Variants in ZBTB16 observed in about 807,000 individuals in gnomAD.
ZBTB16 encodes the protein zinc finger and BTB domain containing 16, also known as zinc finger and BTB domain-containing protein 16.
A neutral mutation model predicts 56.8 loss-of-function variants in ZBTB16; 8 were observed. That is an observed-to-expected ratio of 0.14 (90% CI 0.08 to 0.25). The LOEUF (loss-of-function observed/expected upper bound fraction) is 0.25, where lower values mean the gene tolerates loss of function less well. ZBTB16 is among the 10% of genes least tolerant of loss of function. ZBTB16 has a pLI of 1.00. For synonymous variants in ZBTB16, 363 were observed against 368.5 expected, an observed-to-expected ratio of 0.98 and a Z score of 0.17; for missense variants, 625 against 903.0, an observed-to-expected ratio of 0.69 and a Z score of 3.95.
chr11:114,148,378 T>TTCCTTCCTTCCTTCCTTCC (rs1565651573), intron 2 of ZBTB16, among the ~76,000 whole-genome samples: 10 of 141,084 alleles, frequency 7.1e-5, no homozygotes, highest in African/African-American at 2.7e-4. Context: ...CCTTCCTTCC[T>TTCCTTCCTTCCTTCCTTCC]TCCTTCCTTC....
intron 5 of ZBTB16, among the ~76,000 whole-genome samples, chr11:114,245,069 G>T (rs1944787526): frequency 6.6e-6 from 1 of 152,234 alleles, no homozygotes; most frequent in Admixed American, 6.5e-5. Flanking sequence ...CAGACACACG[G>T]AGAGAGTGGG....
chr11:114,209,571 T>C, intron 4 of ZBTB16: 1 of 985,374 alleles, frequency 1.0e-6, no homozygotes, highest in Non-Finnish European at 1.2e-6. Flanking sequence ...TTGTTGACAC[T>C]TGGACAATCA....
At chr11:114,099,016 A>C (rs979516068) in intron 2 of ZBTB16, among the ~76,000 whole-genome samples, 1 of 152,192 alleles carries the variant, frequency 6.6e-6, no homozygotes, top group Non-Finnish European at 1.5e-5. Flanking sequence ...AGTAAATTAC[A>C]TATTAAAGTA....
intron 2 of ZBTB16, among the ~76,000 whole-genome samples, chr11:114,141,961 A>G (rs1941959163): frequency 6.6e-6 from 1 of 152,174 alleles, no homozygotes; most frequent in African/African-American, 2.4e-5. Context: ...ATATCATCTA[A>G]ACGTTGTTGG....
intron 2 of ZBTB16, among the ~76,000 whole-genome samples, chr11:114,073,458 G>A (rs542350713): frequency 6.6e-6 from 1 of 152,286 alleles, no homozygotes; most frequent in Admixed American, 6.5e-5. Flanking sequence ...TCCTTATTAT[G>A]CTGGTGCAGT....
At chr11:114,247,633 A>G (rs1278454067) in intron 6 of ZBTB16, among the ~76,000 whole-genome samples, 2 of 152,216 alleles carry the variant, frequency 1.3e-5, no homozygotes, top group Non-Finnish European at 2.9e-5. Context: ...CCAGGCAGCT[A>G]TACCAGTAGT....
chr11:114,242,340 A>G lies in ZBTB16; in HGVS notation c.1624+3A>G, dbSNP rs551726862. ...ACGCCACCTGCGCTCACATACAGGT[A>G]GGTCAGTCCAGCTGATGGGTGGATC... On this transcript the variant is annotated splice_donor_region_variant and intron_variant, in intron 5 of 6. Coordinates refer to ENST00000335953, the MANE Select transcript of ZBTB16 (RefSeq NM_006006.6). 6.2e-7 allele frequency: 1 copy of G among 1,613,090 alleles called. No individual in the cohort carries two copies. The highest frequency in any genetic ancestry group is 2.2e-5 in the East Asian group (1 of 44,876).
At chr11:114,152,023 G>A (rs1028134395) in intron 2 of ZBTB16, among the ~76,000 whole-genome samples, 2 of 152,218 alleles carry the variant, frequency 1.3e-5, no homozygotes, top group African/African-American at 4.8e-5. Context: ...CTTCTATGCA[G>A]TAGCCATTAG....
intron 2 of ZBTB16, among the ~76,000 whole-genome samples, chr11:114,111,517 A>T (rs1941004888): frequency 6.6e-6 from 1 of 152,128 alleles, no homozygotes; most frequent in South Asian, 2.1e-4. Context: ...CCTCTCATGA[A>T]ATGACGCTAA....
chr11:114,128,435 T>C (rs1276411321), intron 2 of ZBTB16, among the ~76,000 whole-genome samples: 1 of 152,226 alleles, frequency 6.6e-6, no homozygotes, highest in African/African-American at 2.4e-5. Flanking sequence ...AGTCTGGGGT[T>C]TGAATCCGAG....
Position 114,064,666 on chromosome 11 carries a change from C to T in ZBTB16, c.1268+98C>T. 3 of 1,467,880 alleles carry T rather than the reference C, an allele frequency of 2.0e-6. No individual in the cohort carries two copies. Among genetic ancestry groups the T allele is most frequent in the Non-Finnish European group, 2.8e-6 (3 of 1,077,468 alleles). The allele number at this position is 1,467,880 out of a possible 1,614,324, so 90.9% of individuals were successfully genotyped here. A position where few individuals can be genotyped will look rare whatever the true frequency, so the allele number is the denominator to read the frequency against. ...CTCCCAAGTTAGGGGCCTGGCTCCC[C>T]TGTCTTGGCAATTTGTGAAAAAACC... On this transcript the variant is annotated intron_variant, in intron 2 of 6. Transcript: ENST00000335953. The surrounding 1 kb of genome is among the most constrained non-coding windows in gnomAD (Gnocchi z 4.2).
chr11:114,130,107 A>T (rs1404227536), intron 2 of ZBTB16, among the ~76,000 whole-genome samples: 1 of 152,122 alleles, frequency 6.6e-6, no homozygotes, highest in Non-Finnish European at 1.5e-5. Flanking sequence ...CACTTACGAA[A>T]AGTTTCTGCT....
At position 114,064,340 on chromosome 11, in the gene ZBTB16, G is replaced by A; in HGVS notation, c.1040G>A (p.Ser347Asn). The A allele has an allele frequency of 6.2e-7, 1 of 1,614,096 alleles. No individual in the cohort carries two copies. Among genetic ancestry groups the A allele is most frequent in the Non-Finnish European group, 8.5e-7 (1 of 1,180,036 alleles). ...LPNHKADAVL[S>N]MPSSVTSGLH... is the part of the protein sequence containing the mutation. ...AACCACAAGGCTGACGCTGTATTGA[G>A]CATGCCGTCTTCCGTGACCTCTGGC... Residue 347 changes from serine to asparagine, a missense_variant, in exon 2 of 7, where the codon AGC becomes AAC. By Grantham distance (46) the Ser-to-Asn change is conservative (BLOSUM62 1). This residue lies in a region of ZBTB16 where 384 missense variants were observed against 393.5 expected (regional missense o/e 0.98). Coordinates refer to ENST00000335953, the MANE Select transcript of ZBTB16 (RefSeq NM_006006.6). The surrounding 1 kb of genome is among the most constrained non-coding windows in gnomAD (Gnocchi z 4.2).
At position 114,250,396 on chromosome 11, in the gene ZBTB16, G is replaced by C. The variant is rs376061668; in HGVS notation, c.1863G>C (p.Leu621=). The change falls in exon 7 of 7, where the codon CTG becomes CTC. Residue 621 remains leucine, a synonymous_variant. Transcript: ENST00000335953. This position sits in a 1 kb window ranked among gnomAD's most constrained non-coding sequence, Gnocchi z 6.0. Reference sequence around the variant, plus strand: ...ACTACTCGGCCATGATCAAGCACCTGAGAACGCACAACGGCGCCTCGCCCT... The same window carrying C: ...ACTACTCGGCCATGATCAAGCACCTCAGAACGCACAACGGCGCCTCGCCCT... The part of the protein sequence containing the change: ...SRDYSAMIKH[L]RTHNGASPYQ... The C allele has an allele frequency of 4.3e-6, 7 of 1,614,130 alleles. No homozygotes were observed. The South Asian group carries it at 7.7e-5, about 18-fold the overall frequency.
intron 3 of ZBTB16, among the ~76,000 whole-genome samples, chr11:114,176,560 G>C (rs1943119128): frequency 6.6e-6 from 1 of 152,122 alleles, no homozygotes; most frequent in East Asian, 1.9e-4. Context: ...TGGCTGAACC[G>C]GGGAACCCAG....
At position 114,254,757 on chromosome 11, in the gene ZBTB16, G is replaced by A. The variant is rs2135228552; in HGVS notation, c.*4202G>A. ...GAGCCTCTGCCGGCTTGGCTGTAAT[G>A]GTGGCACTTACCTGGATATTTCAGT... is the stretch of plus-strand genomic sequence containing the variant. On this transcript the variant is annotated 3_prime_UTR_variant, in exon 7 of 7. Transcript: ENST00000335953. Among the ~76,000 whole-genome samples, 1 of 152,318 alleles carries A rather than the reference G, an allele frequency of 6.6e-6. No homozygotes were observed. Among genetic ancestry groups the A allele is most frequent in the East Asian group, 1.9e-4 (1 of 5,186 alleles).
intron 2 of ZBTB16, among the ~76,000 whole-genome samples, chr11:114,080,099 G>A (rs2606727): frequency 0.3 from 46,030 of 151,948 alleles, 8,308 homozygotes; most frequent in East Asian, 0.57. Flanking sequence ...CCTACACCCC[G>A]GGGAGTAGGG....
intron 4 of ZBTB16, among the ~76,000 whole-genome samples, chr11:114,199,332 A>C (rs1165154166): frequency 6.7e-6 from 1 of 148,230 alleles, no homozygotes; most frequent in Non-Finnish European, 1.5e-5. Context: ...GGGATGCCGG[A>C]CATGGATGCC....
intron 4 of ZBTB16, among the ~76,000 whole-genome samples, chr11:114,207,293 A>G (rs776193695): frequency 1.3e-5 from 2 of 152,114 alleles, no homozygotes; most frequent in Non-Finnish European, 2.9e-5. Context: ...CTCAACCCGG[A>G]TGAGTCAGAA....
Sources: allele counts gnomAD v4.1 joint callset (sites outside exome capture counted in the v4.1 genomes callset), GRCh38; gene constraint gnomAD v4.1.1; regional missense constraint gnomAD v4.1.1; non-coding constraint Gnocchi (gnomAD v3.1); transcripts MANE v1.5; gene names NCBI Gene and HGNC (gene_info 2026-07-23, HGNC 2026-07-21).